GSR: variants seen among roughly 807,000 people sequenced by gnomAD.
GSR encodes the protein glutathione-disulfide reductase, also known as glutathione reductase, mitochondrial.
GSR carries 48 observed loss-of-function variants against 56.5 expected under a neutral mutation model. The observed-to-expected ratio is 0.85, with a 90% CI of 0.67 to 1.08. The LOEUF is 1.08. Among genes scored for constraint, GSR ranks in the 50% least tolerant of loss-of-function variants. The probability of loss-of-function intolerance (pLI) is 0.00; values close to 1 mark genes in which losing one functional copy is unlikely to be tolerated. For missense variants in GSR, 694 were observed against 703.3 expected, an observed-to-expected ratio of 0.99 and a Z score of 0.15; for synonymous variants, 264 against 270.8, an observed-to-expected ratio of 0.97 and a Z score of 0.25.
chr8:30,715,159 G>T (rs1246264347), intron 1 of GSR, among the ~76,000 whole-genome samples: 1 of 152,034 alleles, frequency 6.6e-6, no homozygotes, highest in Admixed American at 6.6e-5. Flanking sequence ...TGGGTTTGGT[G>T]GTGCATGCCC....
intron 1 of GSR, among the ~76,000 whole-genome samples, chr8:30,725,658 G>A (rs1804699404): frequency 6.6e-6 from 1 of 151,976 alleles, no homozygotes; most frequent in Non-Finnish European, 1.5e-5. Flanking sequence ...AAGGTGGGTG[G>A]ATTACCAGAG....
At chr8:30,700,747 A>AAAAAAAAAAAAAAAAACC in intron 5 of GSR, among the ~76,000 whole-genome samples, 1 of 135,786 alleles carries the variant, frequency 7.4e-6, no homozygotes, top group Non-Finnish European at 1.6e-5. Flanking sequence ...AAAAAAAAAA[A>AAAAAAAAAAAAAAAAACC]AAATCGACGT....
At chr8:30,726,920 C>G (rs1006646975) in intron 1 of GSR, 5 of 152,222 alleles carry the variant, frequency 3.3e-5, no homozygotes, top group Admixed American at 6.5e-5. Context: ...GGCTGCAATT[C>G]AGATCACCCG....
chr8:30,689,065 T>A (rs1803268165), intron 9 of GSR, 96 bp downstream of exon 9: 2 of 990,564 alleles, frequency 2.0e-6, no homozygotes, highest in Non-Finnish European at 3.2e-6. Flanking sequence ...AAGAATCCAA[T>A]GGAATCCACC....
chr8:30,700,747 A>C (rs1182714412), intron 5 of GSR, among the ~76,000 whole-genome samples: 1 of 135,786 alleles, frequency 7.4e-6, no homozygotes, highest in African/African-American at 2.8e-5. Flanking sequence ...AAAAAAAAAA[A>C]AAATCGACGT....
intron 10 of GSR, among the ~76,000 whole-genome samples, chr8:30,683,455 C>T (rs1281730565): frequency 6.6e-6 from 1 of 151,912 alleles, no homozygotes; most frequent in African/African-American, 2.4e-5. Flanking sequence ...TGTGGGATGC[C>T]GGAGAGAAGG....
At chr8:30,727,405 C>T in intron 1 of GSR, 125 bp downstream of exon 1, 2 of 936,482 alleles carry the variant, frequency 2.1e-6, no homozygotes, top group Non-Finnish European at 1.6e-6. Flanking sequence ...TGGGGAGTTG[C>T]GGGGGTGGAA....
intron 8 of GSR, among the ~76,000 whole-genome samples, chr8:30,689,810 A>T (rs1390666145): frequency 2.1e-5 from 3 of 143,520 alleles, no homozygotes; most frequent in African/African-American, 5.1e-5. Flanking sequence ...TTTATATATA[A>T]ATATATTTAT....
Position 30,708,155 on chromosome 8 carries a change from C to T in GSR, c.423-14G>A. 1 of 1,594,104 alleles carries T rather than the reference C, an allele frequency of 6.3e-7. No homozygotes were observed. Among genetic ancestry groups the T allele is most frequent in the Non-Finnish European group, 8.6e-7 (1 of 1,161,932 alleles). On this transcript the variant is annotated splice_polypyrimidine_tract_variant and intron_variant, in intron 3 of 12. Transcript: ENST00000221130. ...TCCTTAATAACACTGCAATGAAACCCAAGTCAGTATTCAGAAACAGGATCT... is the reference window on the plus strand; with the variant it reads ...TCCTTAATAACACTGCAATGAAACCTAAGTCAGTATTCAGAAACAGGATCT...
At chr8:30,696,781 A>G (rs994451796) in intron 6 of GSR, among the ~76,000 whole-genome samples, 3 of 152,040 alleles carry the variant, frequency 2.0e-5, no homozygotes, top group African/African-American at 7.2e-5. Context: ...CTGCAGCCTC[A>G]ACCTCCAGGA....
In GSR at chr8:30,727,743, G is replaced by A. The variant is rs1200216358; in HGVS notation, c.93C>T (p.Pro31=). The change falls in exon 1 of 13, where the codon CCC becomes CCT. Residue 31 remains proline (P), a synonymous_variant. Coordinates refer to ENST00000221130, the MANE Select transcript of GSR (RefSeq NM_000637.5). The part of the protein sequence containing the change: ...RAFRGFLLLL[P]EPAALTRALS... Reference sequence around the variant, plus strand: ...GGGCGCGCGTGAGGGCCGCGGGCTCGGGCAGAAGCAGCAGGAAGCCTCGGA... The same window carrying A: ...GGGCGCGCGTGAGGGCCGCGGGCTCAGGCAGAAGCAGCAGGAAGCCTCGGA... The A allele has an allele frequency of 7.9e-6, 11 of 1,398,256 alleles. No individual in the cohort carries two copies. The highest frequency in any genetic ancestry group is 2.6e-4 in the Middle Eastern group (1 of 3,902). The allele number at this position is 1,398,256 out of a possible 1,614,324, so 86.6% of individuals were successfully genotyped here. A position where few individuals can be genotyped will look rare whatever the true frequency, so the allele number is the denominator to read the frequency against.
intron 10 of GSR, among the ~76,000 whole-genome samples, chr8:30,682,984 C>G (rs983254400): frequency 1.3e-5 from 2 of 151,924 alleles, no homozygotes; most frequent in African/African-American, 4.8e-5. Flanking sequence ...TGTGCCACCA[C>G]GCCCAGCTAA....
chr8:30,716,634 A>G (rs1283800732), intron 1 of GSR, among the ~76,000 whole-genome samples: 1 of 151,900 alleles, frequency 6.6e-6, no homozygotes, highest in Non-Finnish European at 1.5e-5. Flanking sequence ...AAGGTGAAAC[A>G]CTGTCTCTAG....
At chr8:30,715,750 T>G (rs574978843) in intron 1 of GSR, among the ~76,000 whole-genome samples, 11 of 152,188 alleles carry the variant, frequency 7.2e-5, no homozygotes, top group Non-Finnish European at 1.5e-4. Flanking sequence ...CCAAGAATCA[T>G]CAAAAGCAAT....
At chr8:30,713,597 G>T (rs532337554) in intron 1 of GSR, among the ~76,000 whole-genome samples, 3 of 152,126 alleles carry the variant, frequency 2.0e-5, no homozygotes, top group African/African-American at 7.2e-5. Context: ...GACCTCAAGT[G>T]ATCCACACAC....
At chr8:30,706,543 A>T (rs1268035926) in intron 4 of GSR, among the ~76,000 whole-genome samples, 1 of 152,128 alleles carries the variant, frequency 6.6e-6, no homozygotes, top group Non-Finnish European at 1.5e-5. Context: ...AACCGTAAGA[A>T]ATCTTAGAAA....
chr8:30,685,170 C>A (rs1803119018), intron 9 of GSR, among the ~76,000 whole-genome samples: 1 of 151,996 alleles, frequency 6.6e-6, no homozygotes, highest in Non-Finnish European at 1.5e-5. Context: ...CCATGTTAGC[C>A]AGGATGGTCT....
chr8:30,695,192 A>G (rs1803505096), intron 7 of GSR, among the ~76,000 whole-genome samples: 1 of 151,994 alleles, frequency 6.6e-6, no homozygotes, highest in African/African-American at 2.4e-5. Context: ...AAATTTGTAC[A>G]CTTTCTTAAA....
intron 7 of GSR, among the ~76,000 whole-genome samples, chr8:30,693,534 T>TTTA (rs201327773): frequency 6.4e-5 from 9 of 140,452 alleles, no homozygotes; most frequent in African/African-American, 2.5e-4. Flanking sequence ...AGTTCTTTTA[T>TTTA]TTTTATTTTT....
Sources: allele counts gnomAD v4.1 joint callset (sites outside exome capture counted in the v4.1 genomes callset), GRCh38; gene constraint gnomAD v4.1.1; transcripts MANE v1.5; gene names NCBI Gene and HGNC (gene_info 2026-07-23, HGNC 2026-07-21).